POTEF: variants seen among roughly 807,000 people sequenced by gnomAD.
The protein encoded by POTEF is ANKRD26-like family C member 1B.
Under a neutral mutation model 83.2 loss-of-function variants are expected in POTEF, and 20 were observed. The ratio of observed to expected loss-of-function variants is 0.24; its 90% CI spans 0.17 to 0.35. POTEF has a LOEUF of 0.35. POTEF is among the 10% of genes least tolerant of loss of function. The pLI, the probability that POTEF is intolerant of heterozygous loss-of-function variation, is 1.00. For missense variants in POTEF, 550 were observed against 1,203.2 expected (o/e 0.46, Z 8.03); for synonymous variants, 196 against 446.4 (o/e 0.44, Z 7.07).
At chr2:130,087,597 G>A (rs1188650626) in intron 13 of POTEF, among the ~76,000 whole-genome samples, 1 of 86,482 alleles carries the variant, frequency 1.2e-5, no homozygotes, top group Non-Finnish European at 2.1e-5. Flanking sequence ...TAAGGTTGCT[G>A]ATTTTATTAC....
At chr2:130,107,437 T>C (rs1684571910) in intron 8 of POTEF, among the ~76,000 whole-genome samples, 1 of 150,976 alleles carries the variant, frequency 6.6e-6, no homozygotes, top group Non-Finnish European at 1.5e-5. Context: ...TTATCTATGG[T>C]AGGACCACGC....
At position 130,076,189 on chromosome 2, in the gene POTEF, C is replaced by G. The variant is rs2104773751; in HGVS notation, c.1900-617G>C. ...CCTTCTACACTGTACACATCTGTAT[C>G]TAGGCATTGCTCTTCTACATATAAT... On this transcript the variant is annotated intron_variant, in intron 16 of 16. Coordinates refer to ENST00000409914, the MANE Select transcript of POTEF (RefSeq NM_001099771.2). Among the ~76,000 whole-genome samples the G allele has an allele frequency of 2.6e-5, 3 of 114,986 alleles. 1 individual carries two copies. The highest frequency in any genetic ancestry group is 2.5e-4 in the East Asian group (1 of 4,062). 75.4% of individuals were successfully genotyped at this position (114,986 alleles called of 152,430 possible).
At chr2:130,128,885 G>A (rs1358222328) in intron 1 of POTEF, among the ~76,000 whole-genome samples, 187 bp downstream of exon 1, 4 of 57,596 alleles carry the variant, frequency 6.9e-5, no homozygotes, top group East Asian at 7.1e-4. Flanking sequence ...CATCACCCCC[G>A]CCACCACGGG....
chr2:130,122,872 G>GT (rs754646536), intron 2 of POTEF, among the ~76,000 whole-genome samples: 3 of 151,700 alleles, frequency 2.0e-5, no homozygotes, highest in Non-Finnish European at 4.4e-5. Flanking sequence ...TGTTAATTTT[G>GT]TAACTCTCAA....
At chr2:130,111,414 A>G (rs1488137189) in intron 6 of POTEF, among the ~76,000 whole-genome samples, 1 of 151,990 alleles carries the variant, frequency 6.6e-6, no homozygotes, top group East Asian at 1.9e-4. Context: ...CTCTCTCCAT[A>G]CCAATTAAAA....
At chr2:130,121,251 C>T (rs2104829715) in intron 2 of POTEF, among the ~76,000 whole-genome samples, 1 of 149,124 alleles carries the variant, frequency 6.7e-6, no homozygotes. Context: ...GCCTTGAGTT[C>T]CGGCAAACTT....
intron 7 of POTEF, 120 bp from the exon 8 acceptor site, chr2:130,108,199 T>G: frequency 1.4e-6 from 2 of 1,433,824 alleles, no homozygotes; most frequent in South Asian, 1.3e-5. Flanking sequence ...CTTAATAGTA[T>G]TATCCCACCC....
chr2:130,097,763 A>ATAT (rs1301118575), intron 11 of POTEF, among the ~76,000 whole-genome samples: 1 of 152,040 alleles, frequency 6.6e-6, no homozygotes, highest in Non-Finnish European at 1.5e-5. Flanking sequence ...GAAATGCAGA[A>ATAT]AATAATCTTA....
Position 130,120,122 on chromosome 2 carries a change from T to C in POTEF, c.394A>G (p.Arg132Gly). 1.9e-6 allele frequency: 3 copies of C among 1,608,656 alleles called. No individual in the cohort carries two copies. Among genetic ancestry groups the C allele is most frequent in the Non-Finnish European group, 2.5e-6 (3 of 1,179,388 alleles). Residue 132 changes from arginine (R) to glycine (G), a missense_variant, in exon 3 of 17, where the codon AGG (arginine) becomes GGG (glycine). Arg to Gly is a moderately radical substitution (Grantham distance 125). Coordinates refer to ENST00000409914, the MANE Select transcript of POTEF (RefSeq NM_001099771.2). ...AGATCTTCTCCACGGACGTGGTACC[T>C]GGGCTCCATGAAGGCACTGTCATCG... ...DYDDSAFMEP[R>G]YHVRGEDLDK...
intron 8 of POTEF, among the ~76,000 whole-genome samples, chr2:130,102,652 G>C (rs2218902): frequency 0.53 from 76,946 of 144,322 alleles, 21,850 homozygotes; most frequent in Admixed American, 0.68. Context: ...AGACATCCCA[G>C]AGCAAGGTTA....
intron 15 of POTEF, among the ~76,000 whole-genome samples, chr2:130,077,559 T>TGG (rs1349979763): frequency 7.7e-6 from 1 of 130,574 alleles, no homozygotes; most frequent in African/African-American, 3.0e-5. Flanking sequence ...TGCAACTAGA[T>TGG]GGTCCCATTT....
chr2:130,074,982 T>C lies in POTEF; in HGVS notation c.2490A>G (p.Pro830=). The C allele has an allele frequency of 6.2e-7, 1 of 1,612,586 alleles. No homozygotes were observed. Among genetic ancestry groups the C allele is most frequent in the Non-Finnish European group, 8.5e-7 (1 of 1,179,716 alleles). The change falls in exon 17 of 17, where the codon CCA becomes CCG. Residue 830 remains proline (P), a synonymous_variant. Coordinates refer to ENST00000409914, the MANE Select transcript of POTEF (RefSeq NM_001099771.2). ...TQIMFETFNT[P]AMYVAIQAVL... ...CAGCCTGGATGGCCACGTACATGGC[T>C]GGGGTGTTGAAGGTCTCAAACATGA... is the stretch of plus-strand genomic sequence containing the variant.
At chr2:130,102,774 T>G (rs1684409145) in intron 8 of POTEF, among the ~76,000 whole-genome samples, 1 of 151,588 alleles carries the variant, frequency 6.6e-6, no homozygotes, top group African/African-American at 2.4e-5. Flanking sequence ...AGCTGCAAGG[T>G]CATAAGCTTT....
chr2:130,109,056 A>T (rs1234003919), intron 7 of POTEF: 3 of 151,370 alleles, frequency 2.0e-5, no homozygotes, highest in Non-Finnish European at 2.9e-5. Flanking sequence ...TATTCAGCTC[A>T]AAGTCATCTC....
chr2:130,103,608 T>G (rs1448179574), intron 8 of POTEF, among the ~76,000 whole-genome samples: 6 of 148,980 alleles, frequency 4.0e-5, no homozygotes, highest in African/African-American at 1.5e-4. Flanking sequence ...GAGCATCATC[T>G]TACTCACATT....
intron 2 of POTEF, among the ~76,000 whole-genome samples, chr2:130,122,852 T>C (rs1416697348): frequency 6.6e-6 from 1 of 151,962 alleles, no homozygotes; most frequent in Non-Finnish European, 1.5e-5. Flanking sequence ...CATTGGTGTA[T>C]AGAAGCCAAT....
chr2:130,095,046 G>A (rs1201312811), intron 11 of POTEF, among the ~76,000 whole-genome samples: 1 of 19,300 alleles, frequency 5.2e-5, no homozygotes, highest in South Asian at 1.6e-3. Flanking sequence ...TTTTTTTTTT[G>A]AGATGGAGTC....
Position 130,120,099 on chromosome 2 carries a change from ATCT to A in POTEF, c.414_416del (p.Glu138del), listed in dbSNP as rs755312514. ...AGGCAGCTCTGTGGAGCTTGTCCAGATCTTCTCCACGGACGTGGTACCTGGGCT... is the reference window on the plus strand; with the variant it reads ...AGGCAGCTCTGTGGAGCTTGTCCAGATCTCCACGGACGTGGTACCTGGGCT... On this transcript the variant is annotated inframe_deletion, in exon 3 of 17. Transcript: ENST00000409914. 1.9e-6 allele frequency: 3 copies of A among 1,604,894 alleles called. No individual in the cohort carries two copies. Among genetic ancestry groups the A allele is most frequent in the East Asian group, 4.5e-5 (2 of 44,650 alleles).
In POTEF at chr2:130,075,004, A is replaced by G. The variant is rs780462096; in HGVS notation, c.2468T>C (p.Met823Thr). 6.8e-6 allele frequency: 11 copies of G among 1,613,198 alleles called. No homozygotes were observed. Among genetic ancestry groups the G allele is most frequent in the South Asian group, 3.3e-5 (3 of 91,036 alleles). The change falls in exon 17 of 17, where the codon ATG (methionine) becomes ACG (threonine). Residue 823 changes from methionine to threonine, a missense_variant. By Grantham distance (81) the Met-to-Thr change is moderately conservative. Coordinates refer to ENST00000409914, the MANE Select transcript of POTEF (RefSeq NM_001099771.2). ...KANREKMTQI[M>T]FETFNTPAMY... ...GGCTGGGGTGTTGAAGGTCTCAAAC[A>G]TGATCTGGGTCATCTTCTCGCGGTT... is the stretch of plus-strand genomic sequence containing the variant.
Sources: allele counts gnomAD v4.1 joint callset (sites outside exome capture counted in the v4.1 genomes callset), GRCh38; gene constraint gnomAD v4.1.1; transcripts MANE v1.5; gene names NCBI Gene and HGNC (gene_info 2026-07-23, HGNC 2026-07-21).